IQSEC1: variants seen among roughly 807,000 people sequenced by gnomAD.
IQSEC1 encodes the protein IQ motif and Sec7 domain ArfGEF 1.
In IQSEC1, 31 loss-of-function variants were observed where a neutral mutation model predicts 91.0. The observed-to-expected ratio is 0.34, with a 90% CI of 0.26 to 0.46. The LOEUF is 0.46. Ranked by LOEUF, IQSEC1 falls within the 20% of genes least tolerant of loss-of-function variation. The pLI is 1.00. For synonymous variants in IQSEC1, 699 were observed against 662.6 expected (o/e 1.05, Z -0.84); for missense variants, 1,388 against 1,575.6 (o/e 0.88, Z 2.02).
intron 1 of IQSEC1, among the ~76,000 whole-genome samples, chr3:13,272,770 G>A (rs1695611235): frequency 6.6e-6 from 1 of 152,174 alleles, no homozygotes; most frequent in African/African-American, 2.4e-5. Flanking sequence ...TTTTGTCGGG[G>A]AGGCCCTAAT....
intron 1 of IQSEC1, among the ~76,000 whole-genome samples, chr3:13,031,917 C>G (rs1365053925): frequency 1.3e-5 from 2 of 152,064 alleles, no homozygotes; most frequent in Non-Finnish European, 2.9e-5. Flanking sequence ...CTGCAGCCAG[C>G]CCTCAGCAAC....
intron 1 of IQSEC1, among the ~76,000 whole-genome samples, chr3:13,278,814 C>A (rs529439884): frequency 7.1e-6 from 1 of 139,936 alleles, no homozygotes; most frequent in Non-Finnish European, 1.6e-5. Context: ...AGCAAGACTC[C>A]GTCTTGGTGA....
chr3:13,078,532 A>G (rs1408272988), intron 2 of IQSEC1, among the ~76,000 whole-genome samples: 1 of 151,538 alleles, frequency 6.6e-6, no homozygotes, highest in Admixed American at 6.6e-5. Context: ...CTCCTCTGCC[A>G]CCAGCTATGG....
intron 1 of IQSEC1, among the ~76,000 whole-genome samples, chr3:13,280,968 A>C (rs958299408): frequency 6.6e-6 from 1 of 152,144 alleles, no homozygotes; most frequent in Non-Finnish European, 1.5e-5. Flanking sequence ...GCCTGGATGC[A>C]ACCCAGGGGG....
chr3:13,150,982 A>AG (rs1706987861), intron 2 of IQSEC1, among the ~76,000 whole-genome samples: 1 of 152,194 alleles, frequency 6.6e-6, no homozygotes, highest in Non-Finnish European at 1.5e-5. Flanking sequence ...CTGTCATCCC[A>AG]GGGGGGCTGC....
chr3:13,256,974 G>A (rs989726855), intron 1 of IQSEC1, among the ~76,000 whole-genome samples: 3 of 152,100 alleles, frequency 2.0e-5, no homozygotes, highest in South Asian at 2.1e-4. Context: ...CAGCCAACCC[G>A]CTGTGTGTTC....
At chr3:13,143,741 G>A (rs768901793) in intron 2 of IQSEC1, among the ~76,000 whole-genome samples, 4 of 152,170 alleles carry the variant, frequency 2.6e-5, no homozygotes, top group African/African-American at 9.7e-5. Flanking sequence ...CTTTTGAAGG[G>A]AACCAGTCCA....
intron 1 of IQSEC1, among the ~76,000 whole-genome samples, chr3:12,980,524 C>T (rs764062276): frequency 2.6e-5 from 4 of 152,182 alleles, no homozygotes; most frequent in Non-Finnish European, 5.9e-5. Flanking sequence ...TTTGGAACCC[C>T]CTGGAGTGTT....
intron 1 of IQSEC1, among the ~76,000 whole-genome samples, chr3:13,218,763 T>C (rs1004728011): frequency 3.3e-5 from 5 of 152,106 alleles, no homozygotes; most frequent in Non-Finnish European, 5.9e-5. Flanking sequence ...GGGGGAGCCA[T>C]TGAACATTCT....
At chr3:13,277,105 TTAAAA>T (rs1559291734) in intron 1 of IQSEC1, among the ~76,000 whole-genome samples, 1 of 42,226 alleles carries the variant, frequency 2.4e-5, no homozygotes. Context: ...TTGCTCCTCC[TTAAAA>T]AAAAAAAAAA....
At chr3:13,112,307 A>T (rs542266247) in intron 2 of IQSEC1, among the ~76,000 whole-genome samples, 15 of 152,316 alleles carry the variant, frequency 9.8e-5, no homozygotes, top group Middle Eastern at 3.4e-3. Flanking sequence ...GGAGGTCACT[A>T]GCCAGCCCAG....
intron 7 of IQSEC1, 70 bp from the exon 8 acceptor site, chr3:12,915,203 G>C: frequency 2.0e-6 from 3 of 1,504,562 alleles, no homozygotes; most frequent in Non-Finnish European, 2.7e-6. Flanking sequence ...AATGCTGCAA[G>C]TGCCCCTCCC....
rs1454913419 is a variant in IQSEC1 at position 12,994,488 on chromosome 3, G to A, written c.24-52623C>T. ...AGCGGGGTACGCGGGGTCCAGGCGC[G>A]GAACCGGGGGCACTGCGACCCCCGG... On this transcript the variant is annotated intron_variant, in intron 1 of 13. Coordinates refer to ENST00000613206, the MANE Select transcript of IQSEC1 (RefSeq NM_001134382.3). This position sits in a 1 kb window ranked among gnomAD's most constrained non-coding sequence, Gnocchi z 4.5. Among the ~76,000 whole-genome samples, 2 of 152,006 alleles carry A rather than the reference G, an allele frequency of 1.3e-5. No individual in the cohort carries two copies. The highest frequency in any genetic ancestry group is 3.9e-4 in the East Asian group (2 of 5,140).
intron 1 of IQSEC1, among the ~76,000 whole-genome samples, chr3:13,270,866 CAT>C (rs1483565940): frequency 2.0e-5 from 3 of 152,042 alleles, no homozygotes; most frequent in Non-Finnish European, 4.4e-5. Context: ...TAATAGAAAA[CAT>C]AATACAACTA....
intron 2 of IQSEC1, among the ~76,000 whole-genome samples, chr3:13,102,533 C>T (rs932506672): frequency 6.6e-6 from 1 of 152,216 alleles, no homozygotes; most frequent in Admixed American, 6.5e-5. Context: ...CTGTGCTTCA[C>T]GGGGGTCTGG....
intron 1 of IQSEC1, among the ~76,000 whole-genome samples, chr3:13,224,911 G>A (rs1054300904): frequency 2.0e-5 from 3 of 152,216 alleles, no homozygotes; most frequent in Admixed American, 1.3e-4. Context: ...GATGCCCCAC[G>A]GGGACGTGTC....
intron 1 of IQSEC1, among the ~76,000 whole-genome samples, chr3:13,026,508 A>G (rs899105506): frequency 1.1e-4 from 16 of 152,250 alleles, no homozygotes; most frequent in African/African-American, 3.6e-4. Context: ...TGTGCCAGAT[A>G]TCACTTGAGG....
intron 1 of IQSEC1, among the ~76,000 whole-genome samples, chr3:13,064,497 A>G (rs1705171879): frequency 6.6e-6 from 1 of 152,244 alleles, no homozygotes; most frequent in African/African-American, 2.4e-5. Flanking sequence ...CCTACCCTAT[A>G]GTCACCTGCC....
chr3:13,155,803 T>C lies in IQSEC1; in HGVS notation c.302+8301A>G, dbSNP rs116530176. On this transcript the variant is annotated intron_variant, in intron 2 of 15. Transcript: ENST00000648114. Reference sequence around the variant, plus strand: ...GGAATTTATTCCTGGAATGCAAGGATGGCTCAACATCCAAAAACTGTTCAC... The same window carrying C: ...GGAATTTATTCCTGGAATGCAAGGACGGCTCAACATCCAAAAACTGTTCAC... Among the ~76,000 whole-genome samples the C allele has an allele frequency of 2.9e-3, 439 of 152,278 alleles. 2 individuals are homozygous for C. Among genetic ancestry groups the C allele is most frequent in the African/African-American group, 0.01 (429 of 41,566 alleles).
Sources: allele counts gnomAD v4.1 joint callset (sites outside exome capture counted in the v4.1 genomes callset), GRCh38; gene constraint gnomAD v4.1.1; non-coding constraint Gnocchi (gnomAD v3.1); transcripts MANE v1.5; gene names NCBI Gene and HGNC (gene_info 2026-07-23, HGNC 2026-07-21).